Variants in TARP observed in about 807,000 individuals in gnomAD.
At chr7:38,262,877 T>C in the TARP span, among the ~76,000 whole-genome samples, 3 of 151,506 alleles carry the variant, frequency 2.0e-5, no homozygotes, top group African/African-American at 7.3e-5. Context: ...CAGGCTGGTT[T>C]CAAACTCCTG....
chr7:38,261,429 A>T, the TARP span, among the ~76,000 whole-genome samples: 2 of 151,462 alleles, frequency 1.3e-5, no homozygotes, highest in Non-Finnish European at 2.9e-5. Flanking sequence ...GGGTTAAACA[A>T]GAAAATGCAG....
the TARP span, among the ~76,000 whole-genome samples, chr7:38,268,361 C>T: frequency 4.4e-4 from 67 of 151,304 alleles, no homozygotes; most frequent in Admixed American, 9.9e-4. Context: ...TTTTTAGAGA[C>T]GGTATGATAT....
the TARP span, among the ~76,000 whole-genome samples, chr7:38,269,153 G>A: frequency 6.6e-6 from 1 of 151,680 alleles, no homozygotes; most frequent in African/African-American, 2.4e-5. Context: ...CATCAGAGAT[G>A]AATATGTGTC....
the TARP span, among the ~76,000 whole-genome samples, chr7:38,260,970 G>C: frequency 6.6e-6 from 1 of 151,838 alleles, no homozygotes; most frequent in East Asian, 1.9e-4. Context: ...GAAAAAGCCA[G>C]AAACAAGTAC....
the TARP span, among the ~76,000 whole-genome samples, chr7:38,273,069 C>T: frequency 6.6e-6 from 1 of 150,398 alleles, no homozygotes; most frequent in Admixed American, 6.7e-5. Context: ...TAAACTTAAG[C>T]TAACAAATAA....
chr7:38,268,735 C>T, the TARP span, among the ~76,000 whole-genome samples: 76 of 151,816 alleles, frequency 5.0e-4, 1 homozygote, highest in Middle Eastern at 3.4e-3. Flanking sequence ...AGAAACGAAT[C>T]CATAAGTTCA....
chr7:38,270,675 C>G, the TARP span, among the ~76,000 whole-genome samples: 1 of 151,318 alleles, frequency 6.6e-6, no homozygotes, highest in Non-Finnish European at 1.5e-5. Context: ...AGGCCTGGTC[C>G]TCAAATCCAT....
At chr7:38,261,006 G>A in the TARP span, among the ~76,000 whole-genome samples, 5 of 151,996 alleles carry the variant, frequency 3.3e-5, no homozygotes, top group East Asian at 1.9e-4. Context: ...TAAATGAGAT[G>A]CCCTATGCCA....
chr7:38,265,260 A>T, the TARP span: 2 of 958,370 alleles, frequency 2.1e-6, no homozygotes, highest in Non-Finnish European at 3.1e-6. Flanking sequence ...AGAAAGATTT[A>T]TGTTTGTTTT....
the TARP span, among the ~76,000 whole-genome samples, chr7:38,264,557 C>T: frequency 6.7e-6 from 1 of 149,930 alleles, no homozygotes; most frequent in African/African-American, 2.5e-5. Flanking sequence ...TACCATAGCA[C>T]ACCTGCTTGG....
At chr7:38,267,122 G>A in the TARP span, among the ~76,000 whole-genome samples, 15 of 151,610 alleles carry the variant, frequency 9.9e-5, no homozygotes, top group East Asian at 2.9e-3. Flanking sequence ...GACTCTTTAT[G>A]TCTCTCCCAG....
chr7:38,263,253 G>A, the TARP span, among the ~76,000 whole-genome samples: 1 of 151,904 alleles, frequency 6.6e-6, no homozygotes, highest in Non-Finnish European at 1.5e-5. Flanking sequence ...GAAGTGAGTT[G>A]TATTATGTAT....
At chr7:38,271,066 C>T in the TARP span, among the ~76,000 whole-genome samples, 1 of 150,370 alleles carries the variant, frequency 6.7e-6, no homozygotes, top group Non-Finnish European at 1.5e-5. Flanking sequence ...GGCCTTTTTC[C>T]TTCTCCTTTC....
At chr7:38,262,228 T>C in the TARP span, 3 of 1,603,388 alleles carry the variant, frequency 1.9e-6, no homozygotes, top group Non-Finnish European at 2.6e-6. Context: ...TCTAGAAGAA[T>C]GAGAGCAAGT....
At chr7:38,259,671 C>T in the TARP span, 102 of 160,560 alleles carry the variant, frequency 6.4e-4, 1 homozygote, top group East Asian at 0.017. Flanking sequence ...ATTTATTTTG[C>T]TTATTACGGA....
chr7:38,264,340 C>G, the TARP span, among the ~76,000 whole-genome samples: 1 of 151,832 alleles, frequency 6.6e-6, no homozygotes, highest in South Asian at 2.1e-4. Flanking sequence ...CGCCCATAAT[C>G]CCAGCACTTG....
the TARP span, among the ~76,000 whole-genome samples, chr7:38,269,974 C>T: frequency 6.6e-5 from 10 of 151,684 alleles, no homozygotes; most frequent in East Asian, 3.9e-4. Context: ...ATGATGTGCA[C>T]GACTGTAGGC....
At chr7:38,263,533 G>T in the TARP span, among the ~76,000 whole-genome samples, 1 of 151,182 alleles carries the variant, frequency 6.6e-6, no homozygotes, top group African/African-American at 2.4e-5. Flanking sequence ...TTTATTACAG[G>T]AGCTCAGATT....
chr7:38,262,074 G>C, the TARP span: 54 of 1,015,176 alleles, frequency 5.3e-5, 3 homozygotes, highest in East Asian at 1.9e-4. Flanking sequence ...GGTCCATTCT[G>C]CAGCATCCAA....
Sources: gnomAD v4.1 joint callset for allele counts (sites outside exome capture counted in the v4.1 genomes callset) on GRCh38, gnomAD v4.1.1 for gene constraint, MANE v1.5 for transcripts.